Variants in NACC2 observed in about 807,000 individuals in gnomAD.
NACC2 encodes NACC family member 2.
Under a neutral mutation model 25.1 loss-of-function variants are expected in NACC2, and 8 were observed. The observed-to-expected ratio is 0.32, with a 90% confidence interval of 0.19 to 0.57. The LOEUF (loss-of-function observed/expected upper bound fraction) is 0.57. Ranked by LOEUF, NACC2 falls within the 20% of genes least tolerant of loss-of-function variation. The pLI is 0.89. For synonymous variants in NACC2, 435 were observed against 294.7 expected, an observed-to-expected ratio of 1.48 and a Z score of -4.88; for missense variants, 644 against 650.2, an observed-to-expected ratio of 0.99 and a Z score of 0.10.
chr9:136,064,347 C>T (rs911525617), intron 1 of NACC2, among the ~76,000 whole-genome samples: 2 of 152,070 alleles, frequency 1.3e-5, no homozygotes, highest in South Asian at 2.1e-4. Flanking sequence ...TGAACAAGCA[C>T]AGCAAGATTG....
intron 1 of NACC2, among the ~76,000 whole-genome samples, chr9:136,094,722 G>T (rs1830469696): frequency 6.6e-6 from 1 of 151,944 alleles, no homozygotes; most frequent in Admixed American, 6.5e-5. Context: ...CAGCTGCGCA[G>T]ATGCGCCGGG....
chr9:136,018,381 T>C lies in NACC2; in HGVS notation c.887-1952A>G, dbSNP rs1369843992. On this transcript the variant is annotated intron_variant, in intron 2 of 5. Transcript: ENST00000277554. This position sits in a 1 kb window ranked among gnomAD's most constrained non-coding sequence, Gnocchi z 4.4. Reference sequence around the variant, plus strand: ...CAGGGAGGGGCAGGCCACCCAGCCCTGGGGGGCTGAAACCTTGGTTTCTGA... The same window carrying C: ...CAGGGAGGGGCAGGCCACCCAGCCCCGGGGGGCTGAAACCTTGGTTTCTGA... Among the ~76,000 whole-genome samples, 1 of 151,990 alleles carries C rather than the reference T, an allele frequency of 6.6e-6. No individual in the cohort carries two copies. The highest frequency in any genetic ancestry group is 1.5e-5 in the Non-Finnish European group (1 of 67,958).
chr9:136,007,562 GA>G lies in NACC2; in HGVS notation c.*3953del, dbSNP rs1840043122. The G allele has an allele frequency of 1.3e-5, 1 of 76,014 alleles. No individual in the cohort carries two copies. The highest frequency in any genetic ancestry group is 6.2e-5 in the African/African-American group (1 of 16,146). The allele number at this position is 76,014 out of a possible 1,614,324, so 4.7% of individuals were successfully genotyped here. On this transcript the variant is annotated 3_prime_UTR_variant, in exon 6 of 6. Transcript: ENST00000277554. ...ACACACAGACACGCACACACACACA[GA>G]CACGCGCACACGCACACTCTCACCC...
chr9:136,060,351 G>A (rs1397020061), intron 1 of NACC2, among the ~76,000 whole-genome samples: 1 of 152,258 alleles, frequency 6.6e-6, no homozygotes, highest in Non-Finnish European at 1.5e-5. Flanking sequence ...CGGCTGGGCT[G>A]CCTTTAAGCC....
chr9:136,050,632 G>T lies in NACC2; in HGVS notation c.-59-52C>A. 3 of 678,330 alleles carry T rather than the reference G, an allele frequency of 4.4e-6. No homozygotes were observed. The Admixed American group carries it at 6.2e-5, about 14-fold the overall frequency. 42.0% of individuals were successfully genotyped at this position (678,330 alleles called of 1,614,324 possible). A position where few individuals can be genotyped will look rare whatever the true frequency, so the allele number is the denominator to read the frequency against. ...AGTTCCTCCAGGTCACGGGCTCCCC[G>T]CTCAAGGGGCCGTTCCCACCCCCTC... is the stretch of plus-strand genomic sequence containing the variant. On this transcript the variant is annotated intron_variant, in intron 1 of 5. Coordinates refer to ENST00000277554, the MANE Select transcript of NACC2 (RefSeq NM_144653.5).
intron 2 of NACC2, among the ~76,000 whole-genome samples, chr9:136,048,884 C>T (rs1314684290): frequency 2.6e-5 from 4 of 152,206 alleles, no homozygotes; most frequent in Non-Finnish European, 4.4e-5. Context: ...ACCACCTGCC[C>T]GTGGCTGGCA....
chr9:136,076,053 G>A (rs1381048630), intron 1 of NACC2, among the ~76,000 whole-genome samples: 1 of 152,168 alleles, frequency 6.6e-6, no homozygotes, highest in Non-Finnish European at 1.5e-5. Flanking sequence ...ATCCTGCAAA[G>A]AACAGTCATC....
intron 1 of NACC2, among the ~76,000 whole-genome samples, chr9:136,054,897 C>T (rs1840901478): frequency 6.6e-6 from 1 of 152,182 alleles, no homozygotes; most frequent in Non-Finnish European, 1.5e-5. Context: ...AGAACAGAAC[C>T]CACTTTGGAG....
At chr9:136,094,231 C>T (rs1830463098) in intron 1 of NACC2, among the ~76,000 whole-genome samples, 1 of 152,200 alleles carries the variant, frequency 6.6e-6, no homozygotes, top group South Asian at 2.1e-4. Context: ...ACCTCCAATC[C>T]GGAGGCCCCG....
chr9:136,094,295 C>G (rs766473940), intron 1 of NACC2, among the ~76,000 whole-genome samples: 3 of 152,150 alleles, frequency 2.0e-5, no homozygotes, highest in Non-Finnish European at 4.4e-5. Context: ...TCCAGGGACC[C>G]GGCCTCGCGG....
chr9:136,041,873 A>G (rs1588567788), intron 2 of NACC2, among the ~76,000 whole-genome samples: 1 of 152,250 alleles, frequency 6.6e-6, no homozygotes, highest in Non-Finnish European at 1.5e-5. Flanking sequence ...AGAAGCCTCA[A>G]TATTGTTAAG....
At chr9:136,094,429 A>G (rs930337542) in intron 1 of NACC2, among the ~76,000 whole-genome samples, 1 of 152,130 alleles carries the variant, frequency 6.6e-6, no homozygotes, top group African/African-American at 2.4e-5. Flanking sequence ...CCAGCAAGAG[A>G]AGCAGGAAAC....
intron 1 of NACC2, among the ~76,000 whole-genome samples, chr9:136,079,051 GCTT>G (rs375095423): frequency 3.7e-4 from 47 of 128,068 alleles, no homozygotes; most frequent in African/African-American, 6.9e-4. Context: ...TTCAATCATA[GCTT>G]CTTCTTTTTT....
In NACC2 at chr9:136,022,571, C is replaced by G. The variant is rs1454573763; in HGVS notation, c.887-6142G>C. ...CCAGCTTTGGGGGTGGGTCCATGGT[C>G]CCAGCTCGCTGCCTCCTGGCCAGTG... On this transcript the variant is annotated intron_variant, in intron 2 of 5. Coordinates refer to ENST00000277554, the MANE Select transcript of NACC2 (RefSeq NM_144653.5). This position sits in a 1 kb window ranked among gnomAD's most constrained non-coding sequence, Gnocchi z 4.4. 6.6e-6 allele frequency among the ~76,000 whole-genome samples: 1 copy of G among 152,188 alleles called. No individual in the cohort carries two copies. Among genetic ancestry groups the G allele is most frequent in the Non-Finnish European group, 1.5e-5 (1 of 68,036 alleles).
At chr9:136,038,347 G>A (rs1840583733) in intron 2 of NACC2, among the ~76,000 whole-genome samples, 1 of 152,168 alleles carries the variant, frequency 6.6e-6, no homozygotes, top group Non-Finnish European at 1.5e-5. Flanking sequence ...ACCAGCCTGG[G>A]CAACGTGCTG....
chr9:136,075,462 C>T (rs888649890), intron 1 of NACC2, among the ~76,000 whole-genome samples: 2 of 152,258 alleles, frequency 1.3e-5, no homozygotes, highest in Admixed American at 6.5e-5. Flanking sequence ...TCGTAGACGT[C>T]GGCAGCGGCT....
In NACC2 at chr9:136,049,199, C is replaced by G. The variant is rs1016541293; in HGVS notation, c.886+437G>C. Among the ~76,000 whole-genome samples the G allele has an allele frequency of 6.6e-5, 10 of 152,292 alleles. 1 individual carries two copies. The East Asian group carries it at 7.7e-4, about 12-fold the overall frequency. ...TGGGCGCTTCCTGGCCCATCCCTGG[C>G]GCGGGGCCTGGAGAGGTGGTGGCAA... On this transcript the variant is annotated intron_variant, in intron 2 of 5. Coordinates refer to ENST00000277554, the MANE Select transcript of NACC2 (RefSeq NM_144653.5).
intron 1 of NACC2, among the ~76,000 whole-genome samples, chr9:136,070,687 C>T (rs1466527773): frequency 6.9e-6 from 1 of 145,128 alleles, no homozygotes; most frequent in Non-Finnish European, 1.5e-5. Flanking sequence ...AAAACAAAAA[C>T]CAAAAACTTG....
chr9:136,065,111 A>G (rs953668580), intron 1 of NACC2, among the ~76,000 whole-genome samples: 11 of 152,258 alleles, frequency 7.2e-5, no homozygotes, highest in Admixed American at 2.6e-4. Flanking sequence ...TCTTACAAGA[A>G]AAGACAGGAT....
Sources: allele counts gnomAD v4.1 joint callset (sites outside exome capture counted in the v4.1 genomes callset), GRCh38; gene constraint gnomAD v4.1.1; non-coding constraint Gnocchi (gnomAD v3.1); transcripts MANE v1.5; gene names NCBI Gene and HGNC (gene_info 2026-07-23, HGNC 2026-07-21).